The following ARHGEF38 variants were observed in gnomAD, a reference collection of about 807,000 sequenced individuals.
The protein encoded by ARHGEF38 is Rho guanine nucleotide exchange factor 38.
ARHGEF38 carries 79 observed loss-of-function variants against 79.9 expected under a neutral mutation model. The observed-to-expected ratio is 0.99, with a 90% confidence interval of 0.82 to 1.19. The LOEUF (loss-of-function observed/expected upper bound fraction) is 1.19, where lower values mean the gene tolerates loss of function less well. ARHGEF38 is among the 50% of genes most tolerant of loss of function. The pLI is 0.00. For missense variants in ARHGEF38, 962 were observed against 907.2 expected (o/e 1.06, Z -0.78); for synonymous variants, 366 against 328.3 (o/e 1.11, Z -1.24).
chr4:105,654,757 G>GT (rs919968439), intron 8 of ARHGEF38, among the ~76,000 whole-genome samples: 21 of 152,120 alleles, frequency 1.4e-4, no homozygotes, highest in African/African-American at 2.4e-4. Flanking sequence ...CCAGTCAGAG[G>GT]TTTTTTCTAA....
Position 105,679,852 on chromosome 4 carries a change from AATC to A in ARHGEF38, c.*1917_*1919del. ...CAATATCCTGAGGAGGAGAACTTTG[AATC>A]ACCAGGTCAACTACAGGAATGTCCA... On this transcript the variant is annotated 3_prime_UTR_variant, in exon 14 of 14. Transcript: ENST00000420470. 7.0e-7 allele frequency: 1 copy of A among 1,419,206 alleles called. No individual in the cohort carries two copies. Among genetic ancestry groups the A allele is most frequent in the Non-Finnish European group, 9.9e-7 (1 of 1,007,614 alleles). 87.9% of individuals were successfully genotyped at this position (1,419,206 alleles called of 1,614,324 possible).
At position 105,645,267 on chromosome 4, in the gene ARHGEF38, T is replaced by C. The variant is rs1448813502; in HGVS notation, c.754T>C (p.Cys252Arg). The change falls in exon 6 of 14, where the codon TGC (cysteine) becomes CGC (arginine). Residue 252 changes from cysteine (C) to arginine (R), a missense_variant. Cys to Arg is a radical substitution (Grantham distance 180). Transcript: ENST00000420470. Reference sequence around the variant, plus strand: ...TGTGATGAAATACCCCCTATTACTGTGCGAACTTCGGAATTCCACCCCTCC... The same window carrying C: ...TGTGATGAAATACCCCCTATTACTGCGCGAACTTCGGAATTCCACCCCTCC... The part of the protein sequence containing the change: ...QRVMKYPLLL[C>R]ELRNSTPPSH... 3.3e-6 allele frequency: 5 copies of C among 1,536,702 alleles called. No homozygotes were observed. Among genetic ancestry groups the C allele is most frequent in the Non-Finnish European group, 4.4e-6 (5 of 1,147,004 alleles).
intron 2 of ARHGEF38, among the ~76,000 whole-genome samples, chr4:105,599,506 C>T (rs1364269121): frequency 6.6e-6 from 1 of 152,074 alleles, no homozygotes; most frequent in Non-Finnish European, 1.5e-5. Context: ...CTTTACTTCC[C>T]AGAATGGAGA....
At chr4:105,580,414 G>A (rs76429963) in intron 1 of ARHGEF38, among the ~76,000 whole-genome samples, 4,298 of 152,174 alleles carry the variant, frequency 0.028, 191 homozygotes, top group African/African-American at 0.092. Flanking sequence ...GGTATGTTGC[G>A]TCTTTGTTTT....
intron 1 of ARHGEF38, among the ~76,000 whole-genome samples, chr4:105,565,258 A>T (rs1725830576): frequency 6.6e-6 from 1 of 152,094 alleles, no homozygotes; most frequent in Non-Finnish European, 1.5e-5. Context: ...CCACATTTTC[A>T]CTTAATACCT....
chr4:105,574,156 A>G (rs1439855960), intron 1 of ARHGEF38, among the ~76,000 whole-genome samples: 2 of 152,200 alleles, frequency 1.3e-5, no homozygotes, highest in Non-Finnish European at 2.9e-5. Context: ...TAATTTTAGA[A>G]CAGAGAGAAT....
At chr4:105,579,455 T>C (rs1726669878) in intron 1 of ARHGEF38, among the ~76,000 whole-genome samples, 1 of 152,204 alleles carries the variant, frequency 6.6e-6, no homozygotes, top group Non-Finnish European at 1.5e-5. Flanking sequence ...TATTGAACCG[T>C]ATCAAAAGCC....
intron 9 of ARHGEF38, 30 bp downstream of exon 9, chr4:105,655,752 A>C (rs927637529): frequency 6.6e-6 from 10 of 1,525,546 alleles, no homozygotes; most frequent in African/African-American, 1.4e-5. Flanking sequence ...AGATAAATGC[A>C]AATTAAATAG....
In ARHGEF38 at chr4:105,561,424, GGAATAGAATAGAATAGAATA is replaced by G. The variant is rs1725544021; in HGVS notation, c.196+8468_196+8487del. On this transcript the variant is annotated intron_variant, in intron 1 of 13. Transcript: ENST00000420470. ...ATAATAGAATAGAATAGAATAGAAT[GGAATAGAATAGAATAGAATA>G]GAATGGAATAGAATAGAATAGAATA... Among the ~76,000 whole-genome samples, 61 of 53,008 alleles carry G rather than the reference GGAATAGAATAGAATAGAATA, an allele frequency of 1.2e-3. 5 individuals carry two copies. The highest frequency in any genetic ancestry group is 4.8e-3 in the African/African-American group (56 of 11,592). 34.8% of individuals were successfully genotyped at this position (53,008 alleles called of 152,430 possible). A position where few individuals can be genotyped will look rare whatever the true frequency, so the allele number is the denominator to read the frequency against.
chr4:105,561,208 T>G (rs1192593854), intron 1 of ARHGEF38, among the ~76,000 whole-genome samples: 1 of 151,848 alleles, frequency 6.6e-6, no homozygotes, highest in African/African-American at 2.4e-5. Flanking sequence ...TGCAACATGG[T>G]GAGACCCTGT....
At chr4:105,665,102 G>A (rs1730700126) in intron 10 of ARHGEF38, among the ~76,000 whole-genome samples, 1 of 151,906 alleles carries the variant, frequency 6.6e-6, no homozygotes, top group Non-Finnish European at 1.5e-5. Flanking sequence ...GGTCCAAGCA[G>A]TCCTCCTGCC....
intron 7 of ARHGEF38, among the ~76,000 whole-genome samples, chr4:105,652,107 C>A (rs1470970237): frequency 6.6e-6 from 1 of 152,124 alleles, no homozygotes; most frequent in Non-Finnish European, 1.5e-5. Flanking sequence ...AGCAGGGCAG[C>A]CAAGTGTCCA....
chr4:105,559,580 A>G (rs72959641), intron 1 of ARHGEF38, among the ~76,000 whole-genome samples: 9,322 of 152,248 alleles, frequency 0.061, 405 homozygotes, highest in East Asian at 0.18. Context: ...AGAAATCTAA[A>G]TTAGAAGTTG....
At chr4:105,607,707 G>T (rs994213558) in intron 2 of ARHGEF38, among the ~76,000 whole-genome samples, 6 of 152,026 alleles carry the variant, frequency 3.9e-5, no homozygotes, top group African/African-American at 1.4e-4. Flanking sequence ...TAACATTTTG[G>T]CTACAATTAA....
chr4:105,587,439 G>T (rs915054714), intron 1 of ARHGEF38, among the ~76,000 whole-genome samples: 1 of 152,060 alleles, frequency 6.6e-6, no homozygotes, highest in African/African-American at 2.4e-5. Flanking sequence ...TTCTTATATA[G>T]CTCATGTGGA....
At chr4:105,638,472 A>G (rs2110529120) in intron 5 of ARHGEF38, among the ~76,000 whole-genome samples, 1 of 152,100 alleles carries the variant, frequency 6.6e-6, no homozygotes, top group South Asian at 2.1e-4. Flanking sequence ...AGCTATTCTC[A>G]CCTTGGATTT....
At chr4:105,606,347 A>ATT (rs1183601475) in intron 2 of ARHGEF38, among the ~76,000 whole-genome samples, 2 of 151,996 alleles carry the variant, frequency 1.3e-5, no homozygotes. Context: ...TTCTTCTACA[A>ATT]TTGTTGTATT....
intron 7 of ARHGEF38, among the ~76,000 whole-genome samples, chr4:105,651,955 C>T (rs1347823991): frequency 6.6e-6 from 1 of 152,164 alleles, no homozygotes; most frequent in East Asian, 1.9e-4. Context: ...TGTATTCCTG[C>T]CATGTCTTCT....
chr4:105,667,294 G>T lies in ARHGEF38; in HGVS notation c.1855G>T (p.Gly619Trp). The T allele has an allele frequency of 6.5e-7, 1 of 1,536,144 alleles. No individual in the cohort carries two copies. Among genetic ancestry groups the T allele is most frequent in the Non-Finnish European group, 8.7e-7 (1 of 1,146,930 alleles). ...VAVIEQKDPLGSTSRWLVDTG... is the reference protein window; with the variant it reads ...VAVIEQKDPLWSTSRWLVDTG... ...TGTGATAGAACAGAAAGATCCACTG[G>T]GGAGTACAAGCAGGTGGCTTGTGGA... The change falls in exon 12 of 14, where the codon GGG becomes TGG. Residue 619 changes from glycine (G) to tryptophan (W), a missense_variant. Physicochemically the swap from Gly to Trp is radical, Grantham distance 184 (BLOSUM62 -2). Transcript: ENST00000420470.
Sources: gnomAD v4.1 joint callset for allele counts (sites outside exome capture counted in the v4.1 genomes callset) on GRCh38, gnomAD v4.1.1 for gene constraint, MANE v1.5 for transcripts, NCBI Gene and HGNC (gene_info 2026-07-23, HGNC 2026-07-21) for gene names.